SYN3: variants seen among roughly 807,000 people sequenced by gnomAD.
The protein encoded by SYN3 is synapsin III, also known as synapsin-3.
In SYN3, 35 loss-of-function variants were observed where a neutral mutation model predicts 65.8. That is an observed-to-expected ratio of 0.53 (90% CI 0.41 to 0.70). SYN3 has a LOEUF of 0.70. Among genes scored for constraint, SYN3 ranks in the 30% least tolerant of loss-of-function variants. The pLI is 0.00. For synonymous variants in SYN3, 270 were observed against 292.9 expected (o/e 0.92, Z 0.80); for missense variants, 680 against 749.0 (o/e 0.91, Z 1.08).
At chr22:32,550,058 AAAAT>A (rs1404816785) in intron 7 of SYN3, among the ~76,000 whole-genome samples, 1 of 152,224 alleles carries the variant, frequency 6.6e-6, no homozygotes, top group African/African-American at 2.4e-5. Context: ...ATTATAAAAC[AAAAT>A]AAATCAACTG....
rs546131628 is a variant in SYN3 at position 32,947,294 on chromosome 22, T to C, written c.370-15813A>G. Among the ~76,000 whole-genome samples the C allele has an allele frequency of 5.9e-5, 9 of 152,364 alleles. No individual in the cohort carries two copies. The South Asian group carries it at 1.9e-3, about 32-fold the overall frequency. On this transcript the variant is annotated intron_variant, in intron 3 of 13. Coordinates refer to ENST00000358763, the MANE Select transcript of SYN3 (RefSeq NM_003490.4). ...AACTGTCATCAAAGAAATCATCTAT[T>C]ATCATGGCATACTTTATAAGAAAGA...
chr22:32,943,375 A>C (rs1442922847), intron 3 of SYN3, among the ~76,000 whole-genome samples: 3 of 152,324 alleles, frequency 2.0e-5, no homozygotes, highest in Non-Finnish European at 4.4e-5. Flanking sequence ...GAAATAAAAT[A>C]CTTTACAGAC....
chr22:32,511,315 ATAT>A lies in SYN3; in HGVS notation c.*2374_*2376del, dbSNP rs1428430603. Reference sequence around the variant, plus strand: ...GACCTCCCCCAAGCATGACTGTGGGATATTGACCCCAGGACCCCCACCTCCACC... The same window carrying A: ...GACCTCCCCCAAGCATGACTGTGGGATGACCCCAGGACCCCCACCTCCACC... On this transcript the variant is annotated 3_prime_UTR_variant, in exon 14 of 14. Transcript: ENST00000358763. Among the ~76,000 whole-genome samples, 2 of 152,096 alleles carry A rather than the reference ATAT, an allele frequency of 1.3e-5. No homozygotes were observed. Among genetic ancestry groups the A allele is most frequent in the Non-Finnish European group, 2.9e-5 (2 of 68,008 alleles).
At chr22:32,907,903 G>A (rs2049944774) in intron 4 of SYN3, among the ~76,000 whole-genome samples, 1 of 152,100 alleles carries the variant, frequency 6.6e-6, no homozygotes, top group Non-Finnish European at 1.5e-5. Flanking sequence ...ATTTTTAAGT[G>A]CCTTATAGTA....
chr22:32,549,427 A>C (rs986671598), intron 7 of SYN3, among the ~76,000 whole-genome samples: 1 of 151,924 alleles, frequency 6.6e-6, no homozygotes, highest in African/African-American at 2.4e-5. Flanking sequence ...CTAATTTTTT[A>C]TTTTTTATAG....
intron 6 of SYN3, among the ~76,000 whole-genome samples, chr22:32,809,771 C>T (rs5749516): frequency 0.047 from 7,230 of 152,244 alleles, 209 homozygotes; most frequent in African/African-American, 0.06. Flanking sequence ...TCATGGGTTC[C>T]TGGGTGATTG....
At chr22:33,007,938 CA>C (rs1199509359) in intron 1 of SYN3, among the ~76,000 whole-genome samples, 2 of 103,302 alleles carry the variant, frequency 1.9e-5, no homozygotes, top group Non-Finnish European at 4.1e-5. Context: ...TTATTATATA[CA>C]ATTTTTTTTT....
chr22:32,941,053 C>T (rs565328056), intron 3 of SYN3, among the ~76,000 whole-genome samples: 10 of 152,156 alleles, frequency 6.6e-5, no homozygotes, highest in Non-Finnish European at 1.0e-4. Flanking sequence ...ACCAACCCAC[C>T]ATTGCAGCCA....
rs555926989 is a variant in SYN3 at position 32,571,324 on chromosome 22, G to C, written c.774+25350C>G. 1.7e-4 allele frequency among the ~76,000 whole-genome samples: 26 copies of C among 152,150 alleles called. No homozygotes were observed. In the East Asian group the frequency reaches 3.9e-3, roughly 23 times the overall value. ...CAACCAGTAGGCAGCGGGAGTGGCT[G>C]GCCCTGGGTTGCTCTGGGAGGTCAG... On this transcript the variant is annotated intron_variant, in intron 7 of 13. Coordinates refer to ENST00000358763, the MANE Select transcript of SYN3 (RefSeq NM_003490.4).
At chr22:32,935,602 C>T (rs2050753409) in intron 3 of SYN3, among the ~76,000 whole-genome samples, 1 of 152,100 alleles carries the variant, frequency 6.6e-6, no homozygotes, top group African/African-American at 2.4e-5. Context: ...AGGCACCCGC[C>T]ACCGCGCCCG....
intron 6 of SYN3, among the ~76,000 whole-genome samples, chr22:32,749,679 T>C (rs2045052641): frequency 6.6e-6 from 1 of 152,080 alleles, no homozygotes; most frequent in Non-Finnish European, 1.5e-5. Flanking sequence ...CATATACATT[T>C]TGTAGGGGGG....
chr22:32,855,701 G>C (rs2048343879), intron 6 of SYN3, among the ~76,000 whole-genome samples: 1 of 152,178 alleles, frequency 6.6e-6, no homozygotes, highest in South Asian at 2.1e-4. Flanking sequence ...GCTGTCCTGA[G>C]TATTATGGGA....
Position 33,008,151 on chromosome 22 carries a change from G to C in SYN3, c.-162-1327C>G, listed in dbSNP as rs543774225. On this transcript the variant is annotated intron_variant, in intron 1 of 13. Transcript: ENST00000358763. ...GAGGTTTCACCATGTTGGCCATGCT[G>C]GTCTCAAACTCCTGGCCTCAAGTGA... 5.9e-5 allele frequency among the ~76,000 whole-genome samples: 9 copies of C among 152,250 alleles called. No individual in the cohort carries two copies. In the South Asian group the frequency reaches 6.2e-4, roughly 11 times the overall value.
chr22:32,726,355 A>C (rs1006998271), intron 6 of SYN3, among the ~76,000 whole-genome samples: 5 of 152,108 alleles, frequency 3.3e-5, no homozygotes, highest in East Asian at 1.9e-4. Context: ...GTTGGCCAGG[A>C]TGTTCTTGAT....
intron 6 of SYN3, among the ~76,000 whole-genome samples, chr22:32,636,380 C>G (rs1010312715): frequency 1.4e-5 from 2 of 139,368 alleles, no homozygotes; most frequent in African/African-American, 5.5e-5. Context: ...CCAGCCGGGA[C>G]GACAAAGCGA....
intron 9 of SYN3, among the ~76,000 whole-genome samples, chr22:32,536,401 A>G (rs966170869): frequency 6.6e-6 from 1 of 151,540 alleles, no homozygotes; most frequent in African/African-American, 2.4e-5. Context: ...TCTCTCATTC[A>G]GTCCTCACAC....
chr22:32,534,060 C>G (rs571544907), intron 9 of SYN3, among the ~76,000 whole-genome samples, 165 bp from the exon 10 acceptor site: 1 of 151,998 alleles, frequency 6.6e-6, no homozygotes, highest in Non-Finnish European at 1.5e-5. Flanking sequence ...GACAGAAAGA[C>G]GGAGAGAGAG....
In SYN3 at chr22:32,508,602, T is replaced by C. The variant is rs12166679; in HGVS notation, c.*5090A>G. Among the ~76,000 whole-genome samples, 6,037 of 152,224 alleles carry C rather than the reference T, an allele frequency of 0.04. 401 individuals are homozygous for C. Among genetic ancestry groups the C allele is most frequent in the African/African-American group, 0.14 (5,656 of 41,480 alleles). ...TCTTTTTGAGGTTGAAAACCTGCCA[T>C]TGATCTTCTTCCGCTTCTTTTCTCT... On this transcript the variant is annotated 3_prime_UTR_variant, in exon 14 of 14. Transcript: ENST00000358763.
chr22:32,533,554 T>C (rs1311042259), intron 10 of SYN3, among the ~76,000 whole-genome samples: 1 of 152,144 alleles, frequency 6.6e-6, no homozygotes, highest in Non-Finnish European at 1.5e-5. Flanking sequence ...GGGTTGGGGA[T>C]GTTGTTCAAC....
Sources: allele counts gnomAD v4.1 joint callset (sites outside exome capture counted in the v4.1 genomes callset), GRCh38; gene constraint gnomAD v4.1.1; transcripts MANE v1.5; gene names NCBI Gene and HGNC (gene_info 2026-07-23, HGNC 2026-07-21).